ENTREP2: variants seen among roughly 807,000 people sequenced by gnomAD.
ENTREP2 encodes protein ENTREP2.
chr15:29,234,802 T>A, the ENTREP2 span: 4 of 1,461,764 alleles, frequency 2.7e-6, no homozygotes, highest in Non-Finnish European at 3.8e-6. Context: ...CAGAGCAGGA[T>A]ACAATCTGTT....
chr15:29,457,520 CGAGA>C, the ENTREP2 span, among the ~76,000 whole-genome samples: 2 of 152,292 alleles, frequency 1.3e-5, no homozygotes, highest in East Asian at 3.9e-4. Flanking sequence ...AGGGGCATCA[CGAGA>C]GACAGGTGCT....
the ENTREP2 span, among the ~76,000 whole-genome samples, chr15:29,137,600 C>T: frequency 3.9e-5 from 6 of 152,106 alleles, no homozygotes; most frequent in Non-Finnish European, 8.8e-5. Context: ...TTTGTGAGGC[C>T]GAGGCGGGTG....
At chr15:29,125,363 G>A in the ENTREP2 span, among the ~76,000 whole-genome samples, 1 of 152,226 alleles carries the variant, frequency 6.6e-6, no homozygotes, top group Non-Finnish European at 1.5e-5. Flanking sequence ...ATGCAGGAAG[G>A]AGGAATACAG....
chr15:29,134,260 G>T, the ENTREP2 span, among the ~76,000 whole-genome samples: 1 of 152,218 alleles, frequency 6.6e-6, no homozygotes, highest in African/African-American at 2.4e-5. Flanking sequence ...CTCCATTACT[G>T]CCAGTTCAGG....
the ENTREP2 span, among the ~76,000 whole-genome samples, chr15:29,444,166 CAGACAAAGAAAGAAAGAAAGAAAGAAAG>C: frequency 1.9e-5 from 1 of 53,292 alleles, no homozygotes; most frequent in Non-Finnish European, 4.4e-5. Context: ...GAAAGAAAGA[CAGACAAAGAAAGAAAGAAAGAAAGAAAG>C]AAAGAAAGAA....
chr15:29,124,754 G>C, the ENTREP2 span: 1 of 1,550,446 alleles, frequency 6.4e-7, no homozygotes, highest in Non-Finnish European at 8.7e-7. Flanking sequence ...TGTGTGAAGA[G>C]GCATCGCCTT....
chr15:29,198,712 T>A, the ENTREP2 span, among the ~76,000 whole-genome samples: 1 of 152,260 alleles, frequency 6.6e-6, no homozygotes, highest in African/African-American at 2.4e-5. Context: ...CATGCCTCAT[T>A]CCCTGTCATT....
At chr15:29,584,401 C>T in the ENTREP2 span, among the ~76,000 whole-genome samples, 1 of 151,748 alleles carries the variant, frequency 6.6e-6, no homozygotes, top group African/African-American at 2.4e-5. Context: ...CCTAATCATC[C>T]ATTGATGGAT....
At chr15:29,388,611 A>G in the ENTREP2 span, among the ~76,000 whole-genome samples, 2 of 152,204 alleles carry the variant, frequency 1.3e-5, no homozygotes, top group African/African-American at 4.8e-5. Context: ...ACATCCCATT[A>G]CTGGGTATAT....
the ENTREP2 span, among the ~76,000 whole-genome samples, chr15:29,496,149 T>G: frequency 7.2e-5 from 11 of 151,898 alleles, no homozygotes; most frequent in South Asian, 2.1e-4. Flanking sequence ...ATGTTATTAT[T>G]TTTGATGCTA....
At chr15:29,659,779 C>G in the ENTREP2 span, among the ~76,000 whole-genome samples, 4 of 151,568 alleles carry the variant, frequency 2.6e-5, no homozygotes, top group Non-Finnish European at 5.9e-5. Flanking sequence ...GTATGATATT[C>G]CATTGCACGA....
chr15:29,232,779 G>A, the ENTREP2 span, among the ~76,000 whole-genome samples: 1 of 152,222 alleles, frequency 6.6e-6, no homozygotes, highest in African/African-American at 2.4e-5. Flanking sequence ...AAGTAGCTGG[G>A]ATTACAGGCG....
At chr15:29,258,654 G>A in the ENTREP2 span, among the ~76,000 whole-genome samples, 1 of 152,050 alleles carries the variant, frequency 6.6e-6, no homozygotes, top group Non-Finnish European at 1.5e-5. Flanking sequence ...TCACACTGTT[G>A]TGGAATGATC....
At chr15:29,299,617 C>A in the ENTREP2 span, among the ~76,000 whole-genome samples, 1 of 152,128 alleles carries the variant, frequency 6.6e-6, no homozygotes, top group Non-Finnish European at 1.5e-5. Flanking sequence ...TATGAAAAAT[C>A]AAAATCCCCA....
chr15:29,598,642 T>C, the ENTREP2 span, among the ~76,000 whole-genome samples: 1 of 152,206 alleles, frequency 6.6e-6, no homozygotes, highest in Non-Finnish European at 1.5e-5. Context: ...GTAACAAATT[T>C]TGAGGCTTCC....
At chr15:29,534,106 CAAAAAAAAAAAAAAAAAAAAAA>C in the ENTREP2 span, among the ~76,000 whole-genome samples, 1 of 44,908 alleles carries the variant, frequency 2.2e-5, no homozygotes, top group South Asian at 1.9e-3. Flanking sequence ...GCCCCTTGGC[CAAAAAAAAAAAAAAAAAAAAAA>C]AAAAAAAAAG....
At chr15:29,605,129 G>A in the ENTREP2 span, among the ~76,000 whole-genome samples, 2 of 152,184 alleles carry the variant, frequency 1.3e-5, no homozygotes. Context: ...CCATCCACCA[G>A]CCTGTGTATC....
At chr15:29,413,974 T>C in the ENTREP2 span, among the ~76,000 whole-genome samples, 1 of 152,048 alleles carries the variant, frequency 6.6e-6, no homozygotes, top group Admixed American at 6.6e-5. Flanking sequence ...ATGCACCCAA[T>C]ACAGGAGCAC....
chr15:29,370,524 A>T, the ENTREP2 span, among the ~76,000 whole-genome samples: 7 of 152,106 alleles, frequency 4.6e-5, no homozygotes, highest in Non-Finnish European at 2.9e-5. Context: ...TATACTGAAA[A>T]ATGAGAAATG....
Sources: allele counts gnomAD v4.1 joint callset (sites outside exome capture counted in the v4.1 genomes callset), GRCh38; gene constraint gnomAD v4.1.1; transcripts MANE v1.5; gene names NCBI Gene and HGNC (gene_info 2026-07-23, HGNC 2026-07-21).